ZFP92: variants seen among roughly 807,000 people sequenced by gnomAD.
ZFP92 encodes the protein ZFP92 zinc finger protein.
In ZFP92, 2 loss-of-function variants were observed where a neutral mutation model predicts 7.6. The observed-to-expected ratio is 0.26, with a 90% CI of 0.11 to 0.83. The LOEUF is 0.83. Among genes scored for constraint, ZFP92 ranks in the 40% least tolerant of loss-of-function variants. The probability of loss-of-function intolerance (pLI) is 0.65; values close to 1 mark genes in which losing one functional copy is unlikely to be tolerated. For missense variants in ZFP92, 324 were observed against 408.3 expected (o/e 0.79, Z 1.78); for synonymous variants, 226 against 183.6 (o/e 1.23, Z -1.87).
Position 153,418,230 on chromosome X carries a change from G to A in ZFP92, c.-18-75G>A, listed in dbSNP as rs946062016. 1.8e-5 allele frequency: 20 copies of A among 1,085,404 alleles called. No individual in the cohort carries two copies. The East Asian group carries it at 6.3e-4, about 34-fold the overall frequency. 89.4% of individuals were successfully genotyped at this position (1,085,404 alleles called of 1,213,427 possible). A position where few individuals can be genotyped will look rare whatever the true frequency, so the allele number is the denominator to read the frequency against. On this transcript the variant is annotated intron_variant, in intron 2 of 5. Coordinates refer to ENST00000338647, the MANE Select transcript of ZFP92 (RefSeq NM_001136273.2). Reference sequence around the variant, plus strand: ...TTATTTCACAAGAAAAACTAAGCAGGGTCTTCAAGCAGGTCGCAGATTGGC... The same window carrying A: ...TTATTTCACAAGAAAAACTAAGCAGAGTCTTCAAGCAGGTCGCAGATTGGC...
At chrX:153,411,728 G>A (rs1390642802) in intron 1 of ZFP92, among the ~76,000 whole-genome samples, 25 bp downstream of exon 1, 1 of 113,061 alleles carries the variant, frequency 8.8e-6, no homozygotes, top group Non-Finnish European at 1.9e-5. Flanking sequence ...CTGGGCCGCA[G>A]GGGTGCGGGT....
At position 153,421,646 on chromosome X, in the gene ZFP92, C is replaced by T. The variant is rs1406184354; in HGVS notation, c.*18C>T. On this transcript the variant is annotated 3_prime_UTR_variant, in exon 6 of 6. Coordinates refer to ENST00000338647, the MANE Select transcript of ZFP92 (RefSeq NM_001136273.2). ...GCCGCTGACTCCCCGCCAGCGCACC[C>T]AGGGCGCGGCCGGTCTGCGTGGGGG... The T allele has an allele frequency of 2.1e-6, 2 of 951,917 alleles. No homozygotes were observed. The highest frequency in any genetic ancestry group is 2.6e-6 in the Non-Finnish European group (2 of 765,559). 78.4% of individuals were successfully genotyped at this position (951,917 alleles called of 1,213,427 possible). A position where few individuals can be genotyped will look rare whatever the true frequency, so the allele number is the denominator to read the frequency against.
rs2089022562 is a variant in ZFP92, at chrX:153,423,545, G to C, written c.*1917G>C. ...CCTGTGATTGCGTTCTTGTCTGCAA[G>C]CTGGTCTCATAAGCCCACAAGTGTG... On this transcript the variant is annotated 3_prime_UTR_variant, in exon 6 of 6. Coordinates refer to ENST00000338647, the MANE Select transcript of ZFP92 (RefSeq NM_001136273.2). 3 of 112,234 alleles carry C rather than the reference G, an allele frequency of 2.7e-5. No individual in the cohort carries two copies. Among genetic ancestry groups the C allele is most frequent in the Non-Finnish European group, 3.8e-5 (2 of 53,265 alleles). The allele number at this position is 112,234 out of a possible 1,213,427, so 9.2% of individuals were successfully genotyped here.
Position 153,420,959 on chromosome X carries a change from G to A in ZFP92, c.582G>A (p.Ala194=). Residue 194 remains alanine, a synonymous_variant, in exon 6 of 6, where the codon GCG becomes GCA. Transcript: ENST00000338647. The part of the protein sequence containing the change: ...ECGKLFRRSF[A]LLEHQRIHSG... ...GCAAGCTGTTTCGCCGCAGCTTCGC[G>A]CTCCTGGAGCACCAGCGCATCCACA... The A allele has an allele frequency of 8.4e-7, 1 of 1,193,285 alleles. No individual in the cohort carries two copies. The highest frequency in any genetic ancestry group is 2.3e-5 in the Admixed American group (1 of 43,316).
rs1309193666 is a variant in ZFP92, at chrX:153,418,416, A to C, written c.33+61A>C. The C allele has an allele frequency of 9.7e-6, 11 of 1,135,637 alleles. No homozygotes were observed. The Admixed American group carries it at 2.4e-4, about 25-fold the overall frequency. The allele number at this position is 1,135,637 out of a possible 1,213,427, so 93.6% of individuals were successfully genotyped here. ...GGCAGCCCCCGTCTGCTGCCTCCTC[A>C]TGCCCAGGCCTCTCCAGCTGGGCTG... On this transcript the variant is annotated intron_variant, in intron 3 of 5. Coordinates refer to ENST00000338647, the MANE Select transcript of ZFP92 (RefSeq NM_001136273.2).
chrX:153,421,654 G>A lies in ZFP92; in HGVS notation c.*26G>A, dbSNP rs1556975321. ...CTCCCCGCCAGCGCACCCAGGGCGC[G>A]GCCGGTCTGCGTGGGGGGCCTTCCT... On this transcript the variant is annotated 3_prime_UTR_variant, in exon 6 of 6. Transcript: ENST00000338647. 10 of 946,388 alleles carry A rather than the reference G, an allele frequency of 1.1e-5. 1 individual carries two copies. In the South Asian group the frequency reaches 3.6e-4, roughly 34 times the overall value. 78.0% of individuals were successfully genotyped at this position (946,388 alleles called of 1,213,427 possible). A position where few individuals can be genotyped will look rare whatever the true frequency, so the allele number is the denominator to read the frequency against.
Position 153,425,858 on chromosome X carries a change from G to A in ZFP92, c.*4230G>A, listed in dbSNP as rs1429173068. Reference sequence around the variant, plus strand: ...AGATTCTTATATACCTTTAATCGAAGGCCTTGGACTTTTGAGAGGAGCGCA... The same window carrying A: ...AGATTCTTATATACCTTTAATCGAAAGCCTTGGACTTTTGAGAGGAGCGCA... On this transcript the variant is annotated 3_prime_UTR_variant, in exon 6 of 6. Coordinates refer to ENST00000338647, the MANE Select transcript of ZFP92 (RefSeq NM_001136273.2). 6 of 111,161 alleles carry A rather than the reference G, an allele frequency of 5.4e-5. No individual in the cohort carries two copies. Among genetic ancestry groups the A allele is most frequent in the African/African-American group, 2.0e-4 (6 of 30,537 alleles). The allele number at this position is 111,161 out of a possible 1,213,427, so 9.2% of individuals were successfully genotyped here. A position where few individuals can be genotyped will look rare whatever the true frequency, so the allele number is the denominator to read the frequency against.
In ZFP92 at chrX:153,420,710, C is replaced by G. The variant is rs782158604; in HGVS notation, c.333C>G (p.Ala111=). The G allele has an allele frequency of 8.7e-7, 1 of 1,148,662 alleles. No individual in the cohort carries two copies. The highest frequency in any genetic ancestry group is 1.2e-6 in the Non-Finnish European group (1 of 862,015). The allele number at this position is 1,148,662 out of a possible 1,213,427, so 94.7% of individuals were successfully genotyped here. A position where few individuals can be genotyped will look rare whatever the true frequency, so the allele number is the denominator to read the frequency against. The change falls in exon 6 of 6, where the codon GCC becomes GCG. Residue 111 remains alanine, a synonymous_variant. Transcript: ENST00000338647. ...ATTCTGGACGACAACTCCCCGGGGC[C>G]GATCCACAAGGTGGCAAGGAGGGGC... ...QKHSGRQLPG[A]DPQGGKEGQA... is the part of the protein sequence containing the mutation.
rs1439059506 is a variant in ZFP92, at chrX:153,423,034, A to G, written c.*1406A>G. ...ACTCTTCAAATGGCACTTTACTGAA[A>G]GCCAAGGGGAATTCTCAAGGAAAAG... On this transcript the variant is annotated 3_prime_UTR_variant, in exon 6 of 6. Transcript: ENST00000338647. 1 of 111,213 alleles carries G rather than the reference A, an allele frequency of 9.0e-6. No individual in the cohort carries two copies. Among genetic ancestry groups the G allele is most frequent in the Non-Finnish European group, 1.9e-5 (1 of 53,224 alleles). The allele number at this position is 111,213 out of a possible 1,213,427, so 9.2% of individuals were successfully genotyped here. A position where few individuals can be genotyped will look rare whatever the true frequency, so the allele number is the denominator to read the frequency against.
rs2089004554 is a variant in ZFP92, at chrX:153,421,559, C to T, written c.1182C>T (p.Ser394=). The T allele has an allele frequency of 2.8e-6, 3 of 1,075,726 alleles. No homozygotes were observed. The highest frequency in any genetic ancestry group is 4.6e-5 in the South Asian group (2 of 43,485). 88.7% of individuals were successfully genotyped at this position (1,075,726 alleles called of 1,213,427 possible). ...GCCCTGGGAGCACCGGCCCTGGGAG[C>T]GCGGTGGCGGCCACCAGCCCCCCGC... is the stretch of plus-strand genomic sequence containing the variant. The part of the protein sequence containing the change: ...LAGPGSTGPG[S]AVAATSPPRP... The change falls in exon 6 of 6, where the codon AGC becomes AGT. Residue 394 remains serine, a synonymous_variant. Coordinates refer to ENST00000338647, the MANE Select transcript of ZFP92 (RefSeq NM_001136273.2).
chrX:153,418,625 G>C (rs782072053), intron 3 of ZFP92, 48 bp from the exon 4 acceptor site: 3 of 1,159,905 alleles, frequency 2.6e-6, no homozygotes, highest in South Asian at 1.9e-5. Flanking sequence ...TCCTCCAGGG[G>C]CCCAGGGGGT....
chrX:153,425,683 G>T lies in ZFP92; in HGVS notation c.*4055G>T, dbSNP rs782296816. On this transcript the variant is annotated 3_prime_UTR_variant, in exon 6 of 6. Transcript: ENST00000338647. Reference sequence around the variant, plus strand: ...ACGCTGAGGCAACATGAGAGGGGACGTCTTTGACACCAGGGCCCCAGCCAC... The same window carrying T: ...ACGCTGAGGCAACATGAGAGGGGACTTCTTTGACACCAGGGCCCCAGCCAC... 2 of 111,374 alleles carry T rather than the reference G, an allele frequency of 1.8e-5. No individual in the cohort carries two copies. Among genetic ancestry groups the T allele is most frequent in the African/African-American group, 6.5e-5 (2 of 30,616 alleles). 9.2% of individuals were successfully genotyped at this position (111,374 alleles called of 1,213,427 possible).
Position 153,421,583 on chromosome X carries a change from G to C in ZFP92, c.1206G>C (p.Pro402=). Residue 402 remains proline, a synonymous_variant, in exon 6 of 6, where the codon CCG becomes CCC. Transcript: ENST00000338647. ...PGSAVAATSP[P]RPSTAARPSR... is the part of the protein sequence containing the mutation. ...GCGCGGTGGCGGCCACCAGCCCCCC[G>C]CGGCCGAGCACAGCCGCCAGGCCTT... is the stretch of plus-strand genomic sequence containing the variant. 1 of 1,045,454 alleles carries C rather than the reference G, an allele frequency of 9.6e-7. No individual in the cohort carries two copies. The highest frequency in any genetic ancestry group is 2.5e-5 in the South Asian group (1 of 39,238). The allele number at this position is 1,045,454 out of a possible 1,213,427, so 86.2% of individuals were successfully genotyped here.
At chrX:153,420,024 G>A (rs1556974590) in intron 4 of ZFP92, among the ~76,000 whole-genome samples, 1 of 112,406 alleles carries the variant, frequency 8.9e-6, no homozygotes, top group East Asian at 2.8e-4. Context: ...AGCTACTGAA[G>A]ATCTCCGTGC....
In ZFP92 at chrX:153,422,860, C is replaced by T. The variant is rs781993827; in HGVS notation, c.*1232C>T. The T allele has an allele frequency of 4.6e-4, 52 of 112,425 alleles. No individual in the cohort carries two copies. The highest frequency in any genetic ancestry group is 1.5e-3 in the African/African-American group (47 of 30,951). The allele number at this position is 112,425 out of a possible 1,213,427, so 9.3% of individuals were successfully genotyped here. On this transcript the variant is annotated 3_prime_UTR_variant, in exon 6 of 6. Coordinates refer to ENST00000338647, the MANE Select transcript of ZFP92 (RefSeq NM_001136273.2). ...GGGATTCACTCCCTAAATAAGAGTC[C>T]CCCCAGCCCTCTGAGAAGACCTCAG...
intron 2 of ZFP92, among the ~76,000 whole-genome samples, chrX:153,413,642 T>A (rs1480880618): frequency 9.0e-6 from 1 of 110,574 alleles, no homozygotes; most frequent in African/African-American, 3.3e-5. Flanking sequence ...CTGCTTGGCC[T>A]CTGCTCTGCT....
intron 2 of ZFP92, among the ~76,000 whole-genome samples, chrX:153,412,664 A>G (rs928678632): frequency 8.9e-6 from 1 of 111,782 alleles, no homozygotes; most frequent in Non-Finnish European, 1.9e-5. Flanking sequence ...AATCCCCTGT[A>G]CAAAGGCCCT....
At chrX:153,418,624 G>C in intron 3 of ZFP92, 49 bp from the exon 4 acceptor site, 1 of 1,160,237 alleles carries the variant, frequency 8.6e-7, no homozygotes, top group Non-Finnish European at 1.2e-6. Flanking sequence ...CTCCTCCAGG[G>C]GCCCAGGGGG....
At chrX:153,418,559 C>A in intron 3 of ZFP92, 114 bp from the exon 4 acceptor site, 1 of 1,051,014 alleles carries the variant, frequency 9.5e-7, no homozygotes, top group Non-Finnish European at 1.3e-6. Context: ...CCGAGTCTTT[C>A]CACCTGCTGA....
Sources: gnomAD v4.1 joint callset for allele counts (sites outside exome capture counted in the v4.1 genomes callset) on GRCh38, gnomAD v4.1.1 for gene constraint, MANE v1.5 for transcripts, NCBI Gene and HGNC (gene_info 2026-07-23, HGNC 2026-07-21) for gene names.